ACADSB: variants seen among roughly 807,000 people sequenced by gnomAD.
The protein encoded by ACADSB is short/branched chain specific acyl-CoA dehydrogenase, mitochondrial.
Under a neutral mutation model 54.1 loss-of-function variants are expected in ACADSB, and 40 were observed. That is an observed-to-expected ratio of 0.74 (90% confidence interval 0.57 to 0.96). ACADSB has a LOEUF of 0.96. ACADSB is among the 40% of genes least tolerant of loss of function. The probability of loss-of-function intolerance (pLI) is 0.00; values close to 1 mark genes in which losing one functional copy is unlikely to be tolerated. For missense variants in ACADSB, 530 were observed against 510.4 expected (o/e 1.04, Z -0.37); for synonymous variants, 182 against 182.8 (o/e 1.00, Z 0.03).
In ACADSB at chr10:123,034,443, A is replaced by G; in HGVS notation, c.130A>G (p.Ile44Val). 1.9e-6 allele frequency: 3 copies of G among 1,613,300 alleles called. No individual in the cohort carries two copies. Among genetic ancestry groups the G allele is most frequent in the Non-Finnish European group, 2.5e-6 (3 of 1,179,792 alleles). Residue 44 changes from isoleucine (I) to valine (V), a missense_variant, in exon 2 of 11, where the codon ATA becomes GTA. Ile to Val is a conservative substitution (Grantham distance 29). Transcript: ENST00000358776. The stretch of plus-strand genomic sequence containing the variant: ...TTCCCAGTCAGAAGCTCTACTCAAT[A>G]TAACAAATAATGGAATACACTTTGC... ...KSSQSEALLN[I>V]TNNGIHFAPL...
chr10:123,019,583 G>A (rs564685817), intron 1 of ACADSB, among the ~76,000 whole-genome samples: 19 of 152,208 alleles, frequency 1.2e-4, no homozygotes, highest in Non-Finnish European at 2.2e-4. Flanking sequence ...TTACAAATAT[G>A]AGAACCCTTT....
intron 1 of ACADSB, among the ~76,000 whole-genome samples, chr10:123,029,986 G>T (rs577911263): frequency 6.6e-6 from 1 of 152,290 alleles, no homozygotes; most frequent in East Asian, 1.9e-4. Flanking sequence ...CAGAACGGAA[G>T]GGCCTGGGTT....
At chr10:123,027,340 C>T (rs914789599) in intron 1 of ACADSB, among the ~76,000 whole-genome samples, 2 of 152,152 alleles carry the variant, frequency 1.3e-5, no homozygotes, top group African/African-American at 2.4e-5. Flanking sequence ...TTGGCTGTGT[C>T]GCCACCCAAA....
chr10:123,014,862 A>T (rs1171260044), intron 1 of ACADSB, among the ~76,000 whole-genome samples: 5 of 152,250 alleles, frequency 3.3e-5, no homozygotes, highest in Non-Finnish European at 5.9e-5. Context: ...AGGTAGGAAT[A>T]TGCTCAGCTT....
intron 4 of ACADSB, among the ~76,000 whole-genome samples, 153 bp from the exon 5 acceptor site, chr10:123,041,056 A>C (rs1325102111): frequency 6.6e-6 from 1 of 152,208 alleles, no homozygotes; most frequent in Non-Finnish European, 1.5e-5. Flanking sequence ...GGAAAATAAT[A>C]CTTTCAGAAT....
chr10:123,017,314 A>G (rs1336305376), intron 1 of ACADSB, among the ~76,000 whole-genome samples: 1 of 151,968 alleles, frequency 6.6e-6, no homozygotes, highest in Non-Finnish European at 1.5e-5. Context: ...CCTTTACCTT[A>G]TATTTATTTA....
intron 1 of ACADSB, among the ~76,000 whole-genome samples, chr10:123,032,576 T>C (rs1393248701): frequency 6.6e-6 from 1 of 150,376 alleles, no homozygotes; most frequent in East Asian, 1.9e-4. Flanking sequence ...CTTCTCCAAT[T>C]TCCATTCTTT....
chr10:123,025,215 C>A (rs558523514), intron 1 of ACADSB, among the ~76,000 whole-genome samples: 12 of 152,156 alleles, frequency 7.9e-5, no homozygotes, highest in African/African-American at 2.9e-4. Flanking sequence ...CTGCACTTTG[C>A]GGGGGCCTAG....
chr10:123,047,345 T>G (rs1489603043), intron 8 of ACADSB, 47 bp downstream of exon 8: 1 of 1,318,544 alleles, frequency 7.6e-7, no homozygotes, highest in East Asian at 2.3e-5. Flanking sequence ...TTCCCCAGCT[T>G]CCTGTTAATG....
At chr10:123,034,548 C>T (rs1170639767) in intron 2 of ACADSB, 33 bp downstream of exon 2, 2 of 1,591,892 alleles carry the variant, frequency 1.3e-6, no homozygotes, top group South Asian at 2.2e-5. Context: ...CCTTTTTCTC[C>T]CCAGACAGGA....
Position 123,052,786 on chromosome 10 carries a change from A to G in ACADSB, c.1129-275A>G, listed in dbSNP as rs1328394804. 1 of 435,364 alleles carries G rather than the reference A, an allele frequency of 2.3e-6. No homozygotes were observed. Among genetic ancestry groups the G allele is most frequent in the African/African-American group, 2.0e-5 (1 of 49,664 alleles). The allele number at this position is 435,364 out of a possible 1,614,324, so 27.0% of individuals were successfully genotyped here. On this transcript the variant is annotated intron_variant, in intron 9 of 10. Transcript: ENST00000358776. This position sits in a 1 kb window ranked among gnomAD's most constrained non-coding sequence, Gnocchi z 4.2. ...TTAGCTCGTCCGTTAGGCCCCCAGTAAACATTTCCTGAATAAATGATATCT... is the reference window on the plus strand; with the variant it reads ...TTAGCTCGTCCGTTAGGCCCCCAGTGAACATTTCCTGAATAAATGATATCT...
intron 1 of ACADSB, among the ~76,000 whole-genome samples, chr10:123,012,744 C>G (rs1850053754): frequency 6.6e-6 from 1 of 152,090 alleles, no homozygotes; most frequent in South Asian, 2.1e-4. Flanking sequence ...TGTTACAGCT[C>G]ATAAAGGCAG....
chr10:123,041,093 C>G, intron 4 of ACADSB, 116 bp from the exon 5 acceptor site: 1 of 1,160,540 alleles, frequency 8.6e-7, no homozygotes, highest in Non-Finnish European at 1.3e-6. Context: ...TAAATATAGG[C>G]TTTTTAAAAA....
At chr10:123,042,636 C>T (rs1273556195) in intron 5 of ACADSB, among the ~76,000 whole-genome samples, 1 of 151,594 alleles carries the variant, frequency 6.6e-6, no homozygotes, top group East Asian at 2.0e-4. Context: ...TTAGTAGAGA[C>T]GTTTTTTCAC....
chr10:123,045,003 A>T (rs1564752800), intron 7 of ACADSB, among the ~76,000 whole-genome samples: 1 of 149,546 alleles, frequency 6.7e-6, no homozygotes, highest in African/African-American at 2.5e-5. Flanking sequence ...ACTATTCAAA[A>T]TTTTTTTTTA....
intron 2 of ACADSB, among the ~76,000 whole-genome samples, chr10:123,034,947 CT>C (rs138763749): frequency 0.15 from 22,161 of 149,536 alleles, 1,986 homozygotes; most frequent in Non-Finnish European, 0.2. Context: ...TTCTTTCTTT[CT>C]TTTTTTTCTT....
In ACADSB at chr10:123,040,620, A is replaced by G. The variant is rs1396963995; in HGVS notation, c.458A>G (p.His153Arg). 1.2e-6 allele frequency: 2 copies of G among 1,614,172 alleles called. No homozygotes were observed. Among genetic ancestry groups the G allele is most frequent in the South Asian group, 1.1e-5 (1 of 91,078 alleles). The change falls in exon 4 of 11, where the codon CAT becomes CGT. Residue 153 changes from histidine (H) to arginine (R), a missense_variant. By Grantham distance (29) the His-to-Arg change is conservative (BLOSUM62 0). Coordinates refer to ENST00000358776, the MANE Select transcript of ACADSB (RefSeq NM_001609.4). Reference protein sequence around the residue: ...NTLINTLIRKHGTEEQKATYL... With the variant: ...NTLINTLIRKRGTEEQKATYL... ...TTAATTAACACACTGATTAGAAAACATGGAACAGAAGAACAAAAGGCCACC... is the reference window on the plus strand; with the variant it reads ...TTAATTAACACACTGATTAGAAAACGTGGAACAGAAGAACAAAAGGCCACC...
At chr10:123,013,680 T>C (rs1249811911) in intron 1 of ACADSB, among the ~76,000 whole-genome samples, 4 of 152,152 alleles carry the variant, frequency 2.6e-5, no homozygotes, top group African/African-American at 9.6e-5. Flanking sequence ...TGGCTAGAAA[T>C]CGAGCGCGGC....
chr10:123,025,074 C>A (rs1012367319), intron 1 of ACADSB, among the ~76,000 whole-genome samples: 1 of 151,548 alleles, frequency 6.6e-6, no homozygotes, highest in African/African-American at 2.4e-5. Context: ...CATGCCTGGG[C>A]GACAGAGTGA....
Sources: gnomAD v4.1 joint callset for allele counts (sites outside exome capture counted in the v4.1 genomes callset) on GRCh38, gnomAD v4.1.1 for gene constraint, Gnocchi (gnomAD v3.1) non-coding constraint, MANE v1.5 for transcripts, NCBI Gene and HGNC (gene_info 2026-07-23, HGNC 2026-07-21) for gene names.